SUMF1: variants seen among roughly 807,000 people sequenced by gnomAD.
SUMF1 encodes the protein formylglycine-generating enzyme.
SUMF1 carries 48 observed loss-of-function variants against 47.6 expected under a neutral mutation model. The ratio of observed to expected loss-of-function variants is 1.01; its 90% confidence interval spans 0.80 to 1.28. The LOEUF is 1.28. SUMF1 is among the 50% of genes most tolerant of loss of function. SUMF1 has a pLI of 0.00. For missense variants in SUMF1, 571 were observed against 485.4 expected (o/e 1.18, Z -1.66); for synonymous variants, 230 against 192.1 (o/e 1.20, Z -1.63).
At chr3:4,313,384 A>G (rs1476069479) in intron 8 of SUMF1, 8 of 1,613,882 alleles carry the variant, frequency 5.0e-6, no homozygotes, top group Non-Finnish European at 6.8e-6. Flanking sequence ...CCCTACTTAT[A>G]TAGGAAATAT....
At chr3:4,281,161 T>C (rs1697521845) in intron 8 of SUMF1, among the ~76,000 whole-genome samples, 1 of 152,004 alleles carries the variant, frequency 6.6e-6, no homozygotes, top group Non-Finnish European at 1.5e-5. Flanking sequence ...AAGAGCATGG[T>C]GAAGAGTATA....
intron 8 of SUMF1, among the ~76,000 whole-genome samples, chr3:4,172,002 T>C (rs925124607): frequency 4.6e-5 from 7 of 152,022 alleles, no homozygotes; most frequent in Non-Finnish European, 8.8e-5. Context: ...TTTAGAAAGA[T>C]CACATTGAAG....
At chr3:4,321,322 C>G (rs568752352) in intron 8 of SUMF1, among the ~76,000 whole-genome samples, 6 of 152,066 alleles carry the variant, frequency 3.9e-5, no homozygotes, top group East Asian at 1.9e-4. Context: ...GCAAGGAGCA[C>G]ATTTAGCACC....
At chr3:4,425,656 A>C (rs1472730102) in intron 3 of SUMF1, among the ~76,000 whole-genome samples, 2 of 152,124 alleles carry the variant, frequency 1.3e-5, no homozygotes, top group Non-Finnish European at 2.9e-5. Context: ...TGATGTGAGA[A>C]CCATCTACAC....
intron 8 of SUMF1, among the ~76,000 whole-genome samples, chr3:4,148,768 C>T (rs2686702): frequency 0.3 from 46,300 of 151,914 alleles, 7,268 homozygotes; most frequent in East Asian, 0.4. Flanking sequence ...CTAATCCTGG[C>T]CTAAAAACAT....
chr3:4,260,953 T>C (rs868856222), intron 8 of SUMF1, among the ~76,000 whole-genome samples: 19 of 152,106 alleles, frequency 1.2e-4, no homozygotes, highest in Middle Eastern at 3.2e-3. Flanking sequence ...GATACCTTGA[T>C]TTTAGCCCAG....
At chr3:4,071,461 A>G (rs969216772) in intron 8 of SUMF1, among the ~76,000 whole-genome samples, 1 of 152,166 alleles carries the variant, frequency 6.6e-6, no homozygotes, top group African/African-American at 2.4e-5. Context: ...CACCTTTCCC[A>G]TGGTCTTTGC....
At chr3:4,047,861 T>C (rs1306278996) in intron 9 of SUMF1, among the ~76,000 whole-genome samples, 2 of 152,164 alleles carry the variant, frequency 1.3e-5, no homozygotes, top group East Asian at 1.9e-4. Context: ...TTGCCAATTA[T>C]ATGGAGCATC....
chr3:4,059,115 G>A (rs1408531841), intron 9 of SUMF1, among the ~76,000 whole-genome samples: 1 of 151,978 alleles, frequency 6.6e-6, no homozygotes, highest in Non-Finnish European at 1.5e-5. Flanking sequence ...CAGATTTCTA[G>A]AATCCTATAG....
At chr3:4,062,183 G>A (rs1695288570) in intron 9 of SUMF1, among the ~76,000 whole-genome samples, 1 of 151,996 alleles carries the variant, frequency 6.6e-6, no homozygotes, top group African/African-American at 2.4e-5. Context: ...CCCTTGCCTG[G>A]GAAATGGAAG....
intron 8 of SUMF1, among the ~76,000 whole-genome samples, chr3:4,329,246 G>A (rs890632053): frequency 6.6e-6 from 1 of 152,234 alleles, no homozygotes; most frequent in African/African-American, 2.4e-5. Flanking sequence ...ACTAGGCAGT[G>A]CCCCAGTGGG....
At chr3:4,090,570 G>A (rs897778944) in intron 8 of SUMF1, among the ~76,000 whole-genome samples, 3 of 152,098 alleles carry the variant, frequency 2.0e-5, no homozygotes, top group Non-Finnish European at 4.4e-5. Context: ...ATAAAAATTT[G>A]TGAAGTGTAC....
chr3:4,150,972 C>T lies in SUMF1; in HGVS notation c.1015-82227G>A, dbSNP rs542242486. Among the ~76,000 whole-genome samples, 12 of 151,546 alleles carry T rather than the reference C, an allele frequency of 7.9e-5. 1 individual carries two copies. Among genetic ancestry groups the T allele is most frequent in the African/African-American group, 2.9e-4 (12 of 40,850 alleles). On this transcript the variant is annotated intron_variant and NMD_transcript_variant, in intron 8 of 12. Transcript: ENST00000448413. Reference sequence around the variant, plus strand: ...CTCTTCGAAAGTGACAGACTATTTCCTCTGGAACACCAAGGGGACAAATGG... The same window carrying T: ...CTCTTCGAAAGTGACAGACTATTTCTTCTGGAACACCAAGGGGACAAATGG...
intron 5 of SUMF1, among the ~76,000 whole-genome samples, chr3:4,417,717 G>A (rs1253593354): frequency 6.6e-6 from 1 of 152,194 alleles, no homozygotes; most frequent in Non-Finnish European, 1.5e-5. Context: ...GCTAAAAGCA[G>A]GGCAGTCTGC....
In SUMF1 at chr3:4,046,119, A is replaced by G. The variant is rs1054079213; in HGVS notation, c.1191+22450T>C. Among the ~76,000 whole-genome samples the G allele has an allele frequency of 2.0e-5, 3 of 152,154 alleles. No homozygotes were observed. The South Asian group carries it at 6.2e-4, about 32-fold the overall frequency. ...GGATAAAAATAAGTTAACTGAACTC[A>G]GGGGGAGAAAGGAGGGGAACCTACT... On this transcript the variant is annotated intron_variant and NMD_transcript_variant, in intron 9 of 12. Transcript: ENST00000448413.
chr3:4,189,820 C>T lies in SUMF1; in HGVS notation c.1015-121075G>A, dbSNP rs73806926. 6.4e-3 allele frequency among the ~76,000 whole-genome samples: 969 copies of T among 152,246 alleles called. 17 individuals carry two copies. The highest frequency in any genetic ancestry group is 0.022 in the African/African-American group (929 of 41,552). ...CTGACACCTTTCACATTTCCAGCCCCACACTCCCTGACTATGTGCCTATTC... is the reference window on the plus strand; with the variant it reads ...CTGACACCTTTCACATTTCCAGCCCTACACTCCCTGACTATGTGCCTATTC... On this transcript the variant is annotated intron_variant and NMD_transcript_variant, in intron 8 of 12. Coordinates refer to the SUMF1 transcript ENST00000448413.
At position 4,451,821 on chromosome 3, in the gene SUMF1, C is replaced by T. The variant is rs932270253; in HGVS notation, c.444+1055G>A. The stretch of plus-strand genomic sequence containing the variant: ...GCCTCAGCCTCCCAAGTAGCTGGGA[C>T]TACGGGTGCCCGCCACCATGCCCGG... On this transcript the variant is annotated intron_variant, in intron 2 of 8. Coordinates refer to ENST00000272902, the MANE Select transcript of SUMF1 (RefSeq NM_182760.4). Among the ~76,000 whole-genome samples, 3 of 152,224 alleles carry T rather than the reference C, an allele frequency of 2.0e-5. No homozygotes were observed. The South Asian group carries it at 6.2e-4, about 32-fold the overall frequency.
At chr3:4,379,495 G>A (rs1700431597) in intron 7 of SUMF1, among the ~76,000 whole-genome samples, 1 of 152,182 alleles carries the variant, frequency 6.6e-6, no homozygotes, top group African/African-American at 2.4e-5. Flanking sequence ...GATGGGGTGT[G>A]GCACAGCCAG....
chr3:4,253,861 C>G (rs1696872835), intron 8 of SUMF1, among the ~76,000 whole-genome samples: 2 of 149,716 alleles, frequency 1.3e-5, no homozygotes, highest in Admixed American at 1.3e-4. Context: ...TTAAATGTCC[C>G]TGTCTGACAG....
Sources: allele counts gnomAD v4.1 joint callset (sites outside exome capture counted in the v4.1 genomes callset), GRCh38; gene constraint gnomAD v4.1.1; transcripts MANE v1.5; gene names NCBI Gene and HGNC (gene_info 2026-07-23, HGNC 2026-07-21).